Variants in KLHL28 observed in about 807,000 individuals in gnomAD.
The protein encoded by KLHL28 is kelch-like protein 28.
Under a neutral mutation model 48.3 loss-of-function variants are expected in KLHL28, and 22 were observed. That is an observed-to-expected ratio of 0.46 (90% CI 0.33 to 0.65). The LOEUF is 0.65. Ranked by LOEUF, KLHL28 falls within the 30% of genes least tolerant of loss-of-function variation. The pLI is 0.03. For synonymous variants in KLHL28, 243 were observed against 242.4 expected (o/e 1.00, Z -0.02); for missense variants, 527 against 704.3 (o/e 0.75, Z 2.85).
chr14:44,952,308 A>G (rs1367219310), intron 1 of KLHL28, among the ~76,000 whole-genome samples: 1 of 152,180 alleles, frequency 6.6e-6, no homozygotes, highest in Non-Finnish European at 1.5e-5. Flanking sequence ...AGCATTAGCA[A>G]CATTTGGGAA....
At chr14:44,957,720 G>T (rs1884853228) in intron 1 of KLHL28, among the ~76,000 whole-genome samples, 1 of 152,090 alleles carries the variant, frequency 6.6e-6, no homozygotes. Flanking sequence ...TACAGATAAA[G>T]AAATGTGAGG....
chr14:44,932,316 G>A (rs1883628196), intron 3 of KLHL28, among the ~76,000 whole-genome samples: 1 of 151,856 alleles, frequency 6.6e-6, no homozygotes, highest in African/African-American at 2.4e-5. Context: ...TTACTGCAAA[G>A]CAATCACTGT....
At chr14:44,938,058 G>A (rs1347194570) in intron 2 of KLHL28, among the ~76,000 whole-genome samples, 3 of 152,104 alleles carry the variant, frequency 2.0e-5, no homozygotes, top group Non-Finnish European at 2.9e-5. Flanking sequence ...CTCAAAATTC[G>A]TGTCCTTCTC....
intron 3 of KLHL28, 140 bp from the exon 4 acceptor site, chr14:44,931,681 A>C (rs1220979150): frequency 1.5e-6 from 1 of 646,352 alleles, no homozygotes; most frequent in Middle Eastern, 3.9e-4. Flanking sequence ...ACAAATGCTT[A>C]GGTTTTGCTG....
chr14:44,958,646 C>T (rs1268502766), intron 1 of KLHL28, among the ~76,000 whole-genome samples: 1 of 152,030 alleles, frequency 6.6e-6, no homozygotes, highest in African/African-American at 2.4e-5. Flanking sequence ...AAATTAGAAG[C>T]CTGTCAAGAG....
intron 1 of KLHL28, among the ~76,000 whole-genome samples, chr14:44,957,227 A>G (rs1286758305): frequency 1.3e-5 from 2 of 152,232 alleles, no homozygotes; most frequent in African/African-American, 4.8e-5. Flanking sequence ...ATGAGTTGAT[A>G]ACTATTGAAG....
rs367703243 is a variant in KLHL28, at chr14:44,934,171, C to T, written c.1287G>A (p.Ala429=). The change falls in exon 3 of 5, where the codon GCG becomes GCA. Residue 429 remains alanine (A), a synonymous_variant. Transcript: ENST00000396128. Reference sequence around the variant, plus strand: ...TGGCATATATCATTCCATCCAATACCGCTGCAGCAAAACAACTTCTTGTTG... The same window carrying T: ...TGGCATATATCATTCCATCCAATACTGCTGCAGCAAAACAACTTCTTGTTG... ...MTTTRSCFAA[A]VLDGMIYAIG... 3.8e-5 allele frequency: 62 copies of T among 1,614,050 alleles called. No homozygotes were observed. In the East Asian group the frequency reaches 8.0e-4, roughly 21 times the overall value.
chr14:44,947,875 C>G (rs1884403582), intron 1 of KLHL28, among the ~76,000 whole-genome samples: 1 of 152,174 alleles, frequency 6.6e-6, no homozygotes, highest in Non-Finnish European at 1.5e-5. Context: ...GAAAAATTCT[C>G]AAATGTTATT....
rs114514550 is a variant in KLHL28, at chr14:44,958,897, T to G, written c.-1+2949A>C. ...AATGGCTTTGGAAGATAAACCTAAG[T>G]AGATGAAAATATATCACTCATATAC... On this transcript the variant is annotated intron_variant, in intron 1 of 4. Coordinates refer to ENST00000396128, the MANE Select transcript of KLHL28 (RefSeq NM_017658.5). 8.6e-3 allele frequency among the ~76,000 whole-genome samples: 1,308 copies of G among 152,090 alleles called. 18 individuals carry two copies. The highest frequency in any genetic ancestry group is 0.03 in the African/African-American group (1,260 of 41,538).
At chr14:44,940,658 C>T (rs1375989326) in intron 2 of KLHL28, among the ~76,000 whole-genome samples, 5 of 152,238 alleles carry the variant, frequency 3.3e-5, no homozygotes, top group South Asian at 2.1e-4. Flanking sequence ...TTTCAACCCC[C>T]CCGCCAGCCA....
At chr14:44,938,279 A>G (rs2138604358) in intron 2 of KLHL28, among the ~76,000 whole-genome samples, 1 of 152,354 alleles carries the variant, frequency 6.6e-6, no homozygotes, top group Non-Finnish European at 1.5e-5. Flanking sequence ...TGAGAAAGGC[A>G]GAGAATAGAT....
In KLHL28 at chr14:44,927,114, T is replaced by C. The variant is rs1883399123; in HGVS notation, c.*1914A>G. On this transcript the variant is annotated 3_prime_UTR_variant, in exon 5 of 5. Coordinates refer to ENST00000396128, the MANE Select transcript of KLHL28 (RefSeq NM_017658.5). ...AAAATACTCAGACTATCAATTGTTA[T>C]TAGTTGCTCCTGTTGAGTTCTAAAT... 6.6e-6 allele frequency: 1 copy of C among 152,640 alleles called. No individual in the cohort carries two copies. The highest frequency in any genetic ancestry group is 1.5e-5 in the Non-Finnish European group (1 of 68,016). 9.5% of individuals were successfully genotyped at this position (152,640 alleles called of 1,614,324 possible). A position where few individuals can be genotyped will look rare whatever the true frequency, so the allele number is the denominator to read the frequency against.
In KLHL28 at chr14:44,926,593, G is replaced by C. The variant is rs1017920403; in HGVS notation, c.*2435C>G. 1.3e-5 allele frequency: 2 copies of C among 151,370 alleles called. No homozygotes were observed. The highest frequency in any genetic ancestry group is 1.3e-4 in the Admixed American group (2 of 15,172). 9.4% of individuals were successfully genotyped at this position (151,370 alleles called of 1,614,324 possible). ...GCAAGCTCGGCTCACTGCAACCTCTGCCTCCTGGGTTCAAGTGATTCTCCT... is the reference window on the plus strand; with the variant it reads ...GCAAGCTCGGCTCACTGCAACCTCTCCCTCCTGGGTTCAAGTGATTCTCCT... On this transcript the variant is annotated 3_prime_UTR_variant, in exon 5 of 5. Transcript: ENST00000396128.
chr14:44,956,480 A>C (rs1242030825), intron 1 of KLHL28, among the ~76,000 whole-genome samples: 3 of 152,218 alleles, frequency 2.0e-5, no homozygotes, highest in African/African-American at 7.2e-5. Context: ...CAAGCAAATT[A>C]AACTACAGCC....
At chr14:44,954,108 T>C (rs1379236189) in intron 1 of KLHL28, among the ~76,000 whole-genome samples, 1 of 152,292 alleles carries the variant, frequency 6.6e-6, no homozygotes, top group East Asian at 1.9e-4. Context: ...ATACATGGAG[T>C]TAACAATTCT....
intron 3 of KLHL28, 105 bp downstream of exon 3, chr14:44,934,010 C>T (rs1023516910): frequency 9.5e-5 from 78 of 824,064 alleles, no homozygotes; most frequent in Non-Finnish European, 1.3e-4. Flanking sequence ...TCCCAAATGC[C>T]GGAAGTTCAT....
chr14:44,960,913 T>C, intron 1 of KLHL28: 3 of 1,542,468 alleles, frequency 1.9e-6, no homozygotes, highest in Non-Finnish European at 1.8e-6. Context: ...TAGGAATACT[T>C]GCATTTGAAG....
chr14:44,943,672 T>A (rs917750743), intron 2 of KLHL28, among the ~76,000 whole-genome samples: 3 of 147,602 alleles, frequency 2.0e-5, no homozygotes, highest in African/African-American at 7.5e-5. Context: ...AAATAAAAAA[T>A]AAAAAATAAA....
rs567121592 is a variant in KLHL28 at position 44,932,284 on chromosome 14, G to A, written c.1344-743C>T. 6.7e-5 allele frequency among the ~76,000 whole-genome samples: 10 copies of A among 149,922 alleles called. No individual in the cohort carries two copies. In the South Asian group the frequency reaches 1.1e-3, roughly 16 times the overall value. On this transcript the variant is annotated intron_variant, in intron 3 of 4. Coordinates refer to ENST00000396128, the MANE Select transcript of KLHL28 (RefSeq NM_017658.5). The stretch of plus-strand genomic sequence containing the variant: ...GGGAGAAAAACCTTTATTTTTTTTC[G>A]TCACAGGAGAATTCATGTGGCTTAC...
Sources: allele counts gnomAD v4.1 joint callset (sites outside exome capture counted in the v4.1 genomes callset), GRCh38; gene constraint gnomAD v4.1.1; transcripts MANE v1.5; gene names NCBI Gene and HGNC (gene_info 2026-07-23, HGNC 2026-07-21).